Variants in RBFOX1 observed in about 807,000 individuals in gnomAD.
RBFOX1 encodes the protein RNA binding fox-1 homolog 1.
In RBFOX1, 8 loss-of-function variants were observed where a neutral mutation model predicts 57.7. That is an observed-to-expected ratio of 0.14 (90% CI 0.08 to 0.25). The LOEUF (loss-of-function observed/expected upper bound fraction) is 0.25. RBFOX1 is among the 10% of genes least tolerant of loss of function. The pLI, the probability that RBFOX1 is intolerant of heterozygous loss-of-function variation, is 1.00. For synonymous variants in RBFOX1, 326 were observed against 222.4 expected (o/e 1.47, Z -4.15); for missense variants, 611 against 548.5 (o/e 1.11, Z -1.14).
chr16:5,247,984 A>G (rs1403653744), intron 1 of RBFOX1, among the ~76,000 whole-genome samples: 1 of 151,954 alleles, frequency 6.6e-6, no homozygotes, highest in Non-Finnish European at 1.5e-5. Flanking sequence ...GTGCTTTTCG[A>G]TTTTTGTATG....
intron 3 of RBFOX1, among the ~76,000 whole-genome samples, chr16:6,844,515 A>G (rs150948213): frequency 1.3e-5 from 2 of 151,770 alleles, no homozygotes; most frequent in African/African-American, 4.8e-5. Flanking sequence ...ATATGACCTT[A>G]TTCTTTTTTA....
At chr16:5,871,506 T>A (rs2057470230) in intron 4 of RBFOX1, among the ~76,000 whole-genome samples, 1 of 152,202 alleles carries the variant, frequency 6.6e-6, no homozygotes, top group African/African-American at 2.4e-5. Flanking sequence ...TTAAGCCTGT[T>A]TTATCGCAAA....
chr16:6,862,684 ATCATCACAGAT>A (rs996774185), intron 3 of RBFOX1, among the ~76,000 whole-genome samples: 2 of 152,158 alleles, frequency 1.3e-5, no homozygotes, highest in African/African-American at 4.8e-5. Flanking sequence ...TAGAATTGGA[ATCATCACAGAT>A]GCTGTTTAAG....
intron 2 of RBFOX1, among the ~76,000 whole-genome samples, chr16:5,585,727 T>C (rs777265225): frequency 2.2e-4 from 33 of 152,358 alleles, no homozygotes; most frequent in East Asian, 1.9e-4. Flanking sequence ...ATGCAGGGTG[T>C]AGACCTGGGT....
chr16:6,787,263 C>T (rs892425557), intron 3 of RBFOX1, among the ~76,000 whole-genome samples: 2 of 152,156 alleles, frequency 1.3e-5, no homozygotes, highest in South Asian at 2.1e-4. Flanking sequence ...CTGATCGGCC[C>T]GTTCTAGGCA....
chr16:5,800,235 A>G (rs1008486007), intron 3 of RBFOX1, among the ~76,000 whole-genome samples: 3 of 152,220 alleles, frequency 2.0e-5, no homozygotes, highest in Non-Finnish European at 4.4e-5. Flanking sequence ...ATGCTCTGGC[A>G]TGTCCAGTCC....
chr16:5,271,959 G>A (rs1419323217), intron 1 of RBFOX1, among the ~76,000 whole-genome samples: 4 of 152,316 alleles, frequency 2.6e-5, no homozygotes, highest in African/African-American at 7.2e-5. Flanking sequence ...ATAGTATTCC[G>A]TTGTGTGTAT....
chr16:6,907,554 C>T (rs1211368773), intron 3 of RBFOX1, among the ~76,000 whole-genome samples: 1 of 151,996 alleles, frequency 6.6e-6, no homozygotes, highest in African/African-American at 2.4e-5. Flanking sequence ...CTCTTAGCTT[C>T]TGTTTTTGTT....
chr16:5,363,251 G>T (rs1375347418), intron 1 of RBFOX1, among the ~76,000 whole-genome samples: 6 of 150,556 alleles, frequency 4.0e-5, no homozygotes, highest in Admixed American at 4.0e-4. Context: ...CGCCATGTTG[G>T]CAAGGCCGGT....
chr16:5,580,638 C>T lies in RBFOX1; in HGVS notation c.259-18264C>T, dbSNP rs114753469. 5.3e-3 allele frequency among the ~76,000 whole-genome samples: 807 copies of T among 152,266 alleles called. 10 individuals carry two copies. The highest frequency in any genetic ancestry group is 0.019 in the African/African-American group (781 of 41,568). On this transcript the variant is annotated intron_variant, in intron 2 of 2. Coordinates refer to the RBFOX1 transcript ENST00000585867. ...ACATCTGCTTTGTGTGGGTTTTGAG[C>T]TCCCCACACTGGATACCTTTGGGGA...
rs867881219 is a variant in RBFOX1, at chr16:7,436,053, G to A, written c.28-82094G>A. On this transcript the variant is annotated intron_variant, in intron 4 of 15. Transcript: ENST00000550418. ...GGGGCATGAAAGCTCCCTGAACATC[G>A]TGAGAATTTCTTTCCACAGATGCAA... is the stretch of plus-strand genomic sequence containing the variant. Among the ~76,000 whole-genome samples the A allele has an allele frequency of 6.6e-5, 10 of 152,088 alleles. No individual in the cohort carries two copies. The East Asian group carries it at 1.7e-3, about 26-fold the overall frequency.
At chr16:6,930,126 C>T (rs1045672848) in intron 3 of RBFOX1, among the ~76,000 whole-genome samples, 1 of 152,164 alleles carries the variant, frequency 6.6e-6, no homozygotes, top group Non-Finnish European at 1.5e-5. Flanking sequence ...TCCATGTGAG[C>T]CCCTCAATCT....
At chr16:5,984,204 CCTT>C (rs1213558401) in intron 4 of RBFOX1, among the ~76,000 whole-genome samples, 1 of 121,938 alleles carries the variant, frequency 8.2e-6, no homozygotes, top group African/African-American at 3.2e-5. Flanking sequence ...TTCCCCTCCC[CCTT>C]CTTCTTCTCT....
chr16:7,385,778 G>C (rs1045256146), intron 4 of RBFOX1, among the ~76,000 whole-genome samples: 1 of 151,964 alleles, frequency 6.6e-6, no homozygotes, highest in East Asian at 1.9e-4. Context: ...TTTCGAGATA[G>C]AGTCTCGCTG....
rs34098321 is a variant in RBFOX1 at position 6,152,115 on chromosome 16, C to G, written c.-127+132123C>G. The stretch of plus-strand genomic sequence containing the variant: ...AAAAACACCCTGAAGATCTAGGTAT[C>G]CATCAAAGCTGATGGAATACACTAA... On this transcript the variant is annotated intron_variant, in intron 1 of 15. Coordinates refer to ENST00000550418, the MANE Select transcript of RBFOX1 (RefSeq NM_018723.4). Among the ~76,000 whole-genome samples, 104 of 152,252 alleles carry G rather than the reference C, an allele frequency of 6.8e-4. 1 individual carries two copies. Among genetic ancestry groups the G allele is most frequent in the Non-Finnish European group, 1.2e-3 (85 of 68,014 alleles).
At chr16:5,727,988 CCT>C (rs2052217547) in intron 3 of RBFOX1, among the ~76,000 whole-genome samples, 1 of 152,182 alleles carries the variant, frequency 6.6e-6, no homozygotes, top group Non-Finnish European at 1.5e-5. Context: ...TGCCCGGCCT[CCT>C]CTCTCTGTTT....
chr16:6,181,590 C>G (rs560399085), intron 1 of RBFOX1, among the ~76,000 whole-genome samples: 1 of 152,248 alleles, frequency 6.6e-6, no homozygotes, highest in South Asian at 2.1e-4. Context: ...ATTGGGAAAA[C>G]TTGTTTTAAA....
chr16:6,883,945 C>G (rs1039564609), intron 3 of RBFOX1, among the ~76,000 whole-genome samples: 1 of 152,120 alleles, frequency 6.6e-6, no homozygotes, highest in African/African-American at 2.4e-5. Flanking sequence ...GACGTTGCTA[C>G]TTGCCACGGT....
At chr16:6,266,084 G>C (rs1201896022) in intron 1 of RBFOX1, among the ~76,000 whole-genome samples, 1 of 152,202 alleles carries the variant, frequency 6.6e-6, no homozygotes, top group Non-Finnish European at 1.5e-5. Flanking sequence ...CGTGGGGGAA[G>C]TGAGATGTGT....
Sources: gnomAD v4.1 joint callset for allele counts (sites outside exome capture counted in the v4.1 genomes callset) on GRCh38, gnomAD v4.1.1 for gene constraint, MANE v1.5 for transcripts, NCBI Gene and HGNC (gene_info 2026-07-23, HGNC 2026-07-21) for gene names.